ZNF609: variants seen among roughly 807,000 people sequenced by gnomAD.
The protein encoded by ZNF609 is zinc finger protein 609.
In ZNF609, 11 loss-of-function variants were observed where a neutral mutation model predicts 109.5. That is an observed-to-expected ratio of 0.10 (90% confidence interval 0.06 to 0.17). The LOEUF (loss-of-function observed/expected upper bound fraction) is 0.17. Among genes scored for constraint, ZNF609 ranks in the 10% least tolerant of loss-of-function variants. ZNF609 has a pLI of 1.00. For synonymous variants in ZNF609, 646 were observed against 662.0 expected (o/e 0.98, Z 0.37); for missense variants, 1,559 against 1,772.4 (o/e 0.88, Z 2.16).
chr15:64,612,609 T>C (rs1009031754), intron 2 of ZNF609, among the ~76,000 whole-genome samples: 9 of 150,142 alleles, frequency 6.0e-5, no homozygotes, highest in African/African-American at 2.2e-4. Flanking sequence ...ATCTGGAAGC[T>C]CAGCAGTCCA....
intron 3 of ZNF609, among the ~76,000 whole-genome samples, chr15:64,660,405 C>T (rs1273013589): frequency 6.6e-6 from 1 of 152,118 alleles, no homozygotes; most frequent in East Asian, 1.9e-4. Flanking sequence ...AGTTAGGATT[C>T]GGTTACCAAA....
intron 1 of ZNF609, among the ~76,000 whole-genome samples, chr15:64,495,911 C>T (rs1432343519): frequency 6.6e-6 from 1 of 151,742 alleles, no homozygotes; most frequent in African/African-American, 2.4e-5. Context: ...TTCTTCTTCC[C>T]AGATTCAAGT....
intron 2 of ZNF609, among the ~76,000 whole-genome samples, chr15:64,598,588 T>A (rs2140945215): frequency 6.6e-6 from 1 of 151,742 alleles, no homozygotes; most frequent in East Asian, 1.9e-4. Context: ...TTTCCTTTAA[T>A]TCACTAAAAA....
intron 3 of ZNF609, among the ~76,000 whole-genome samples, chr15:64,664,065 T>C (rs1219402693): frequency 6.6e-6 from 1 of 152,060 alleles, no homozygotes; most frequent in African/African-American, 2.4e-5. Context: ...GTATCTCTAC[T>C]AATAATACAA....
chr15:64,501,507 C>G (rs1255235542), intron 2 of ZNF609: 2 of 152,192 alleles, frequency 1.3e-5, no homozygotes, highest in African/African-American at 4.8e-5. Context: ...TAGTCCACTT[C>G]AGCAGAGTCA....
rs889815220 is a variant in ZNF609, at chr15:64,651,570, G to A, written c.974-18776G>A. On this transcript the variant is annotated intron_variant, in intron 3 of 9. Transcript: ENST00000326648. ...AACCAGGTAACTGCAGTAGATGCCT[G>A]CTATTATGAGGGATTAGATAGGAGC... is the stretch of plus-strand genomic sequence containing the variant. 2.0e-5 allele frequency among the ~76,000 whole-genome samples: 3 copies of A among 152,332 alleles called. No homozygotes were observed. In the East Asian group the frequency reaches 5.8e-4, roughly 29 times the overall value.
At chr15:64,608,934 C>A (rs1234813566) in intron 2 of ZNF609, among the ~76,000 whole-genome samples, 1 of 151,866 alleles carries the variant, frequency 6.6e-6, no homozygotes, top group East Asian at 1.9e-4. Context: ...ATGGGGTCTT[C>A]CTATGTTGCC....
At chr15:64,572,834 G>A (rs1025141984) in intron 2 of ZNF609, among the ~76,000 whole-genome samples, 9 of 152,144 alleles carry the variant, frequency 5.9e-5, no homozygotes, top group Admixed American at 3.3e-4. Context: ...CCGGGAGGCG[G>A]AAGTTGTGGT....
chr15:64,480,110 T>G (rs655329), intron 1 of ZNF609, among the ~76,000 whole-genome samples: 1 of 151,658 alleles, frequency 6.6e-6, no homozygotes, highest in African/African-American at 2.4e-5. Context: ...TGGTGGCAGG[T>G]GCCTGTAATC....
At chr15:64,552,007 T>G (rs1894489022) in intron 2 of ZNF609, among the ~76,000 whole-genome samples, 1 of 137,772 alleles carries the variant, frequency 7.3e-6, no homozygotes, top group South Asian at 2.5e-4. Flanking sequence ...AAAAAAGTTT[T>G]TTCTTATTTT....
At chr15:64,550,324 ATTGTTGTTG>A (rs35706760) in intron 2 of ZNF609, among the ~76,000 whole-genome samples, 15 of 150,964 alleles carry the variant, frequency 9.9e-5, no homozygotes, top group East Asian at 7.8e-4. Context: ...TGTTGTTGTT[ATTGTTGTTG>A]TTGTTGTTGT....
chr15:64,529,708 A>G, intron 2 of ZNF609: 1 of 679,596 alleles, frequency 1.5e-6, no homozygotes. Flanking sequence ...GCGAGAGAAT[A>G]TGTGGCTGTC....
In ZNF609 at chr15:64,676,159, G is replaced by A; in HGVS notation, c.3305G>A (p.Ser1102Asn). ...QAPEGLKVKL[S>N]DASHLSKEAS... Reference sequence around the variant, plus strand: ...CCTGAAGGCCTTAAAGTGAAGCTGAGTGATGCCAGCCACCTAAGCAAGGAG... The same window carrying A: ...CCTGAAGGCCTTAAAGTGAAGCTGAATGATGCCAGCCACCTAAGCAAGGAG... Residue 1102 changes from serine to asparagine, a missense_variant, in exon 5 of 10, where the codon AGT (serine) becomes AAT (asparagine). Physicochemically the swap from Ser to Asn is conservative, Grantham distance 46 (BLOSUM62 1). This residue lies in a region of ZNF609 where 1,204 missense variants were observed against 1,314.1 expected (regional missense o/e 0.92). Transcript: ENST00000326648. 1 of 1,614,222 alleles carries A rather than the reference G, an allele frequency of 6.2e-7. No homozygotes were observed. The highest frequency in any genetic ancestry group is 8.5e-7 in the Non-Finnish European group (1 of 1,180,044).
intron 2 of ZNF609, among the ~76,000 whole-genome samples, chr15:64,609,081 TTTC>T (rs1405087973): frequency 2.2e-4 from 9 of 40,752 alleles, no homozygotes; most frequent in Middle Eastern, 9.8e-3. Context: ...TCTTTCTTTC[TTTC>T]TTTCTTTCTT....
intron 2 of ZNF609, among the ~76,000 whole-genome samples, chr15:64,619,428 G>A (rs1406904768): frequency 6.6e-6 from 1 of 152,148 alleles, no homozygotes; most frequent in East Asian, 1.9e-4. Flanking sequence ...AGCTTATTAT[G>A]CACTATGGCT....
intron 2 of ZNF609, among the ~76,000 whole-genome samples, chr15:64,515,938 C>CAAA (rs57072582): frequency 1.3e-5 from 1 of 74,272 alleles, no homozygotes. Flanking sequence ...AACTCCGTCT[C>CAAA]AAAAAAAAAA....
intron 3 of ZNF609, among the ~76,000 whole-genome samples, chr15:64,659,613 T>C (rs999774951): frequency 2.0e-5 from 3 of 152,098 alleles, no homozygotes; most frequent in African/African-American, 7.2e-5. Flanking sequence ...TAGTTTGGTC[T>C]CAATTAAAGA....
intron 2 of ZNF609, among the ~76,000 whole-genome samples, chr15:64,553,577 T>TTTTTTA (rs1221662842): frequency 6.0e-5 from 9 of 151,172 alleles, no homozygotes; most frequent in Non-Finnish European, 1.0e-4. Flanking sequence ...TTTAATTTTA[T>TTTTTTA]TTTTTATTTT....
chr15:64,661,136 A>AT (rs1333802099), intron 3 of ZNF609, among the ~76,000 whole-genome samples: 4 of 151,826 alleles, frequency 2.6e-5, no homozygotes, highest in Admixed American at 6.6e-5. Flanking sequence ...TAATTTTGGT[A>AT]TTTTTTGTAG....
Sources: gnomAD v4.1 joint callset for allele counts (sites outside exome capture counted in the v4.1 genomes callset) on GRCh38, gnomAD v4.1.1 for gene constraint, gnomAD v4.1.1 regional missense constraint, MANE v1.5 for transcripts, NCBI Gene and HGNC (gene_info 2026-07-23, HGNC 2026-07-21) for gene names.